The following CENPN variants were observed in gnomAD, a reference collection of about 807,000 sequenced individuals.
CENPN encodes centromere protein N, also known as interphase centromere complex protein 32.
CENPN carries 36 observed loss-of-function variants against 48.6 expected under a neutral mutation model. The observed-to-expected ratio is 0.74, with a 90% CI of 0.57 to 0.98. CENPN has a LOEUF of 0.98. Ranked by LOEUF, CENPN falls within the 50% of genes least tolerant of loss-of-function variation. The pLI is 0.00. For missense variants in CENPN, 439 were observed against 399.2 expected, an observed-to-expected ratio of 1.10 and a Z score of -0.85; for synonymous variants, 166 against 135.2, an observed-to-expected ratio of 1.23 and a Z score of -1.58.
In CENPN at chr16:81,031,206, A is replaced by AAG. The variant is rs1232042000; in HGVS notation, c.*2556_*2557insGA. Reference sequence around the variant, plus strand: ...AAAAACAATACAGGAGCTTACCTTGAACCTTTGAATTGGGCCAAATTGCGA... The same window carrying AAG: ...AAAAACAATACAGGAGCTTACCTTGAAGACCTTTGAATTGGGCCAAATTGCGA... On this transcript the variant is annotated 3_prime_UTR_variant, in exon 11 of 11. Coordinates refer to ENST00000305850, the MANE Select transcript of CENPN (RefSeq NM_001100624.3). 6.6e-6 allele frequency: 1 copy of AAG among 151,986 alleles called. No individual in the cohort carries two copies. 9.4% of individuals were successfully genotyped at this position (151,986 alleles called of 1,614,324 possible).
chr16:81,024,270 G>T, intron 7 of CENPN: 1 of 152,062 alleles, frequency 6.6e-6, no homozygotes, highest in Non-Finnish European at 1.5e-5. Flanking sequence ...GCATTCTTAC[G>T]AAAATCCACG....
rs1040033427 is a variant in CENPN, at chr16:81,031,479, T to C, written c.*2828T>C. The C allele has an allele frequency of 4.6e-5, 7 of 152,250 alleles. No individual in the cohort carries two copies. Among genetic ancestry groups the C allele is most frequent in the Non-Finnish European group, 8.8e-5 (6 of 68,048 alleles). The allele number at this position is 152,250 out of a possible 1,614,324, so 9.4% of individuals were successfully genotyped here. Reference sequence around the variant, plus strand: ...AAGACCTCAATAAAAACACCTTGTCTTGCTGCTTTGCAGTGTGGTCTTTTG... The same window carrying C: ...AAGACCTCAATAAAAACACCTTGTCCTGCTGCTTTGCAGTGTGGTCTTTTG... On this transcript the variant is annotated 3_prime_UTR_variant, in exon 11 of 11. Transcript: ENST00000305850.
intron 8 of CENPN, among the ~76,000 whole-genome samples, chr16:81,025,801 C>T (rs1451157897): frequency 6.7e-6 from 1 of 149,312 alleles, no homozygotes; most frequent in East Asian, 2.0e-4. Context: ...TTCCCAGGTT[C>T]AAGCGATTCT....
At chr16:81,026,089 GTATATA>G (rs1555522732) in intron 8 of CENPN, among the ~76,000 whole-genome samples, 1 of 137,598 alleles carries the variant, frequency 7.3e-6, no homozygotes, top group African/African-American at 2.8e-5. Context: ...GTGTGTGTGT[GTATATA>G]TATGTGTGTG....
intron 7 of CENPN, chr16:81,023,869 A>G (rs1970332910): frequency 6.6e-6 from 1 of 152,238 alleles, no homozygotes; most frequent in South Asian, 2.1e-4. Flanking sequence ...TCACAAAGTC[A>G]GGAGATCAAG....
intron 3 of CENPN, among the ~76,000 whole-genome samples, chr16:81,015,340 G>C (rs1969892688): frequency 6.6e-6 from 1 of 152,314 alleles, no homozygotes; most frequent in Non-Finnish European, 1.5e-5. Flanking sequence ...GCCTCCCTGT[G>C]AGCCCTGGAG....
At position 81,029,706 on chromosome 16, in the gene CENPN, C is replaced by T. The variant is rs1457369784; in HGVS notation, c.*1055C>T. Among the ~76,000 whole-genome samples the T allele has an allele frequency of 1.3e-5, 2 of 152,166 alleles. No homozygotes were observed. Among genetic ancestry groups the T allele is most frequent in the South Asian group, 4.1e-4 (2 of 4,824 alleles). On this transcript the variant is annotated 3_prime_UTR_variant, in exon 11 of 11. Transcript: ENST00000305850. ...TTCTCCTGCCTCAGCCTCTGAGTAG[C>T]TGGGACTACAGGCCTGCACCACCAT...
intron 2 of CENPN, among the ~76,000 whole-genome samples, chr16:81,013,539 G>C (rs540525119): frequency 6.6e-6 from 1 of 152,264 alleles, no homozygotes; most frequent in East Asian, 1.9e-4. Flanking sequence ...TGGCCAACAT[G>C]GTGAAACCCC....
At position 81,020,229 on chromosome 16, in the gene CENPN, T is replaced by C; in HGVS notation, c.484T>C (p.Phe162Leu). ...VVYYSQTPYA[F>L]TSSSMLRRNT... ...GTACTACTCCCAGACTCCGTACGCC[T>C]TCACGTCCTCCTCCATGCTGAGGCG... The change falls in exon 6 of 11, where the codon TTC becomes CTC. Residue 162 changes from phenylalanine to leucine, a missense_variant. Physicochemically the swap from Phe to Leu is conservative, Grantham distance 22. Transcript: ENST00000305850. 2 of 1,614,056 alleles carry C rather than the reference T, an allele frequency of 1.2e-6. No individual in the cohort carries two copies. Among genetic ancestry groups the C allele is most frequent in the Non-Finnish European group, 1.7e-6 (2 of 1,179,972 alleles).
chr16:81,032,500 A>C (rs989889090), downstream of CENPN: 6 of 1,483,248 alleles, frequency 4.0e-6, no homozygotes, highest in Non-Finnish European at 4.5e-6. Context: ...CACGTTAATA[A>C]AACTTGTATG....
intron 5 of CENPN, among the ~76,000 whole-genome samples, chr16:81,018,818 T>G (rs1325458416): frequency 5.3e-5 from 8 of 152,186 alleles, no homozygotes. Context: ...CTAGTGCCAC[T>G]GTAACAACCC....
At chr16:81,032,447 G>C (rs1970811358), downstream of CENPN, 9 of 930,740 alleles carry the variant, frequency 9.7e-6, no homozygotes. Flanking sequence ...ACCCCATTGG[G>C]GGTTGGGGAA....
At chr16:81,021,742 C>T (rs1348374885) in intron 6 of CENPN, among the ~76,000 whole-genome samples, 2 of 151,474 alleles carry the variant, frequency 1.3e-5, no homozygotes, top group African/African-American at 4.9e-5. Flanking sequence ...TTAAACATTA[C>T]CCCAAAGGCT....
Position 81,026,563 on chromosome 16 carries a change from A to G in CENPN, c.735A>G (p.Lys245=), listed in dbSNP as rs1449453115. 1 of 1,606,074 alleles carries G rather than the reference A, an allele frequency of 6.2e-7. No individual in the cohort carries two copies. Among genetic ancestry groups the G allele is most frequent in the Non-Finnish European group, 8.5e-7 (1 of 1,174,442 alleles). The change falls in exon 9 of 11, where the codon AAA becomes AAG. Residue 245 remains lysine, a synonymous_variant. Coordinates refer to ENST00000305850, the MANE Select transcript of CENPN (RefSeq NM_001100624.3). ...SRIIHENIVE[K]ERVQRITQET... ...TCATTCATGAAAACATAGTAGAAAA[A>G]GAGAGAGTCCAACGAATAACTCAAG...
chr16:81,010,877 T>G (rs1394985256), intron 1 of CENPN, among the ~76,000 whole-genome samples: 4 of 152,174 alleles, frequency 2.6e-5, no homozygotes, highest in Admixed American at 2.6e-4. Flanking sequence ...GAACCTGACC[T>G]CTTCCCCTGC....
In CENPN at chr16:81,013,733, G is replaced by A. The variant is rs181507556; in HGVS notation, c.172-403G>A. ...AAGACTCTGTCTCCAAAAAAAAAAA[G>A]AGACACGAGAAAATCTGGGAGGCAG... On this transcript the variant is annotated intron_variant, in intron 2 of 10. Coordinates refer to ENST00000305850, the MANE Select transcript of CENPN (RefSeq NM_001100624.3). Among the ~76,000 whole-genome samples, 434 of 151,792 alleles carry A rather than the reference G, an allele frequency of 2.9e-3. 4 individuals are homozygous for A. The highest frequency in any genetic ancestry group is 9.9e-3 in the African/African-American group (412 of 41,430).
At chr16:81,025,656 G>C (rs757109386) in intron 8 of CENPN, among the ~76,000 whole-genome samples, 57 of 147,794 alleles carry the variant, frequency 3.9e-4, no homozygotes, top group Non-Finnish European at 6.5e-4. Flanking sequence ...AAGAGATCCA[G>C]TCCAGACTGG....
intron 5 of CENPN, among the ~76,000 whole-genome samples, chr16:81,018,646 A>G (rs1460059279): frequency 6.6e-6 from 1 of 152,206 alleles, no homozygotes; most frequent in East Asian, 1.9e-4. Flanking sequence ...CTTCCATTCA[A>G]GGCAGTAGAG....
chr16:81,030,124 T>C lies in CENPN; in HGVS notation c.*1473T>C, dbSNP rs1270237489. The C allele has an allele frequency of 1.7e-5, 14 of 819,822 alleles. No individual in the cohort carries two copies. The highest frequency in any genetic ancestry group is 1.9e-5 in the Non-Finnish European group (13 of 679,264). The allele number at this position is 819,822 out of a possible 1,614,324, so 50.8% of individuals were successfully genotyped here. On this transcript the variant is annotated 3_prime_UTR_variant, in exon 11 of 11. Transcript: ENST00000305850. ...GGGGAAATCGTTCCCATGACTCAAG[T>C]ATCTCCACCTGGCCCTGCCCTTGTC... is the stretch of plus-strand genomic sequence containing the variant.
Sources: allele counts gnomAD v4.1 joint callset (sites outside exome capture counted in the v4.1 genomes callset), GRCh38; gene constraint gnomAD v4.1.1; transcripts MANE v1.5; gene names NCBI Gene and HGNC (gene_info 2026-07-23, HGNC 2026-07-21).